Variants in FOXK2 observed in about 807,000 individuals in gnomAD.
FOXK2 encodes forkhead box K2, also known as forkhead box protein K2.
Under a neutral mutation model 53.3 loss-of-function variants are expected in FOXK2, and 24 were observed. The ratio of observed to expected loss-of-function variants is 0.45; its 90% CI spans 0.33 to 0.63. The LOEUF (loss-of-function observed/expected upper bound fraction) is 0.63. Ranked by LOEUF, FOXK2 falls within the 30% of genes least tolerant of loss-of-function variation. The probability of loss-of-function intolerance (pLI) is 0.03; values close to 1 mark genes in which losing one functional copy is unlikely to be tolerated. For synonymous variants in FOXK2, 505 were observed against 407.1 expected (o/e 1.24, Z -2.89); for missense variants, 952 against 910.5 (o/e 1.05, Z -0.59).
chr17:82,530,861 G>T (rs1161094802), intron 1 of FOXK2, among the ~76,000 whole-genome samples: 1 of 152,140 alleles, frequency 6.6e-6, no homozygotes, highest in African/African-American at 2.4e-5. Context: ...GTATTTTTCA[G>T]AATACGATAG....
intron 1 of FOXK2, among the ~76,000 whole-genome samples, chr17:82,525,254 C>G (rs1333258587): frequency 6.6e-6 from 1 of 152,122 alleles, no homozygotes; most frequent in Non-Finnish European, 1.5e-5. Context: ...ACTGCAGCCT[C>G]CGCCTCCTGG....
rs777525387 is a variant in FOXK2 at position 82,601,364 on chromosome 17, A to C, written c.1848A>C (p.Thr616=). 1.2e-6 allele frequency: 2 copies of C among 1,613,446 alleles called. No homozygotes were observed. Among genetic ancestry groups the C allele is most frequent in the Admixed American group, 1.7e-5 (1 of 60,036 alleles). The change falls in exon 9 of 9, where the codon ACA becomes ACC. Residue 616 remains threonine (T), a synonymous_variant. Transcript: ENST00000335255. Reference sequence around the variant, plus strand: ...CATCCGCATCGGCCTCCCTGCCCACAAAGCGCCACAACGGTGACCAGCCGG... The same window carrying C: ...CATCCGCATCGGCCTCCCTGCCCACCAAGCGCCACAACGGTGACCAGCCGG... ...THASASASLP[T]KRHNGDQPEQ...
intron 8 of FOXK2, among the ~76,000 whole-genome samples, chr17:82,598,150 G>A (rs1036920941): frequency 4.6e-4 from 67 of 146,206 alleles, no homozygotes; most frequent in African/African-American, 1.6e-3. Flanking sequence ...TCATCTCGCA[G>A]TGCTGCAGAA....
At chr17:82,546,961 C>T (rs1367529160) in intron 1 of FOXK2, among the ~76,000 whole-genome samples, 2 of 151,610 alleles carry the variant, frequency 1.3e-5, no homozygotes, top group Non-Finnish European at 2.9e-5. Flanking sequence ...CCTGTAGTCC[C>T]AGCTACTCTG....
chr17:82,525,602 A>G (rs547337534), intron 1 of FOXK2, among the ~76,000 whole-genome samples: 5 of 152,322 alleles, frequency 3.3e-5, no homozygotes, highest in African/African-American at 1.2e-4. Context: ...TTGCCATGGT[A>G]ACAAACTAAG....
In FOXK2 at chr17:82,601,604, C is replaced by A; in HGVS notation, c.*105C>A. 8.4e-7 allele frequency: 1 copy of A among 1,195,704 alleles called. No homozygotes were observed. Among genetic ancestry groups the A allele is most frequent in the Non-Finnish European group, 1.1e-6 (1 of 877,298 alleles). 74.1% of individuals were successfully genotyped at this position (1,195,704 alleles called of 1,614,324 possible). On this transcript the variant is annotated 3_prime_UTR_variant, in exon 9 of 9. Coordinates refer to ENST00000335255, the MANE Select transcript of FOXK2 (RefSeq NM_004514.4). ...TGCAGGGCCCTGTGGTTGGACTTCA[C>A]CTCTCAGCACTGAAAACCCAAAACC...
At chr17:82,584,410 C>T (rs764084609) in intron 6 of FOXK2, among the ~76,000 whole-genome samples, 9 of 151,904 alleles carry the variant, frequency 5.9e-5, no homozygotes, top group Non-Finnish European at 1.2e-4. Context: ...CCTGAAATAA[C>T]TTAGAATTAA....
rs749231568 is a variant in FOXK2 at position 82,601,913 on chromosome 17, T to TA, written c.*415dup. 2.2e-4 allele frequency: 36 copies of TA among 167,290 alleles called. No individual in the cohort carries two copies. Among genetic ancestry groups the TA allele is most frequent in the Non-Finnish European group, 3.7e-4 (28 of 76,666 alleles). 10.4% of individuals were successfully genotyped at this position (167,290 alleles called of 1,614,324 possible). ...ACCAGGCAGCGGAGACATGTGGAATTAGAGTATTTTGAGGTGTCCTTTCTT... is the reference window on the plus strand; with the variant it reads ...ACCAGGCAGCGGAGACATGTGGAATTAAGAGTATTTTGAGGTGTCCTTTCTT... On this transcript the variant is annotated 3_prime_UTR_variant, in exon 9 of 9. Transcript: ENST00000335255.
At position 82,603,520 on chromosome 17, in the gene FOXK2, C is replaced by T. The variant is rs2045411248; in HGVS notation, c.*2021C>T. On this transcript the variant is annotated 3_prime_UTR_variant, in exon 9 of 9. Transcript: ENST00000335255. ...CACCAAGCAAATGCATCGTATGTCCCCTTGGAGACGTTTTTATGCAGCTGT... is the reference window on the plus strand; with the variant it reads ...CACCAAGCAAATGCATCGTATGTCCTCTTGGAGACGTTTTTATGCAGCTGT... The T allele has an allele frequency of 6.6e-6, 1 of 152,152 alleles. No homozygotes were observed. The allele number at this position is 152,152 out of a possible 1,614,324, so 9.4% of individuals were successfully genotyped here.
chr17:82,549,982 C>T (rs181469021), intron 1 of FOXK2, among the ~76,000 whole-genome samples: 1 of 152,264 alleles, frequency 6.6e-6, no homozygotes, highest in Admixed American at 6.5e-5. Flanking sequence ...GTGGGTGCAT[C>T]ACTTGAGCCC....
chr17:82,601,066 G>C, intron 8 of FOXK2: 1 of 483,332 alleles, frequency 2.1e-6, no homozygotes, highest in East Asian at 3.1e-5. Flanking sequence ...ACTTGCTGCA[G>C]TTTTTTGGGG....
At chr17:82,526,422 G>A (rs996462942) in intron 1 of FOXK2, among the ~76,000 whole-genome samples, 1 of 152,152 alleles carries the variant, frequency 6.6e-6, no homozygotes, top group African/African-American at 2.4e-5. Context: ...AAGGAGTGGA[G>A]GTAGAAGGAG....
chr17:82,552,260 C>G (rs780232421), intron 1 of FOXK2, among the ~76,000 whole-genome samples: 1 of 152,188 alleles, frequency 6.6e-6, no homozygotes, highest in African/African-American at 2.4e-5. Flanking sequence ...AGAGAACTTC[C>G]GTTTTCCCAG....
At chr17:82,576,309 A>AC (rs2044985393) in intron 4 of FOXK2, among the ~76,000 whole-genome samples, 3 of 151,572 alleles carry the variant, frequency 2.0e-5, no homozygotes, top group South Asian at 4.2e-4. Context: ...TCGGGGAAGG[A>AC]CCCCCCAAGT....
At chr17:82,521,861 C>T (rs935184644) in intron 1 of FOXK2, among the ~76,000 whole-genome samples, 1 of 151,240 alleles carries the variant, frequency 6.6e-6, no homozygotes, top group Non-Finnish European at 1.5e-5. Context: ...AATGTGAACC[C>T]TGGAGGTGGA....
At chr17:82,542,322 C>T (rs2044582738) in intron 1 of FOXK2, among the ~76,000 whole-genome samples, 1 of 151,956 alleles carries the variant, frequency 6.6e-6, no homozygotes, top group African/African-American at 2.4e-5. Flanking sequence ...CTACCAGGCC[C>T]AGCTAATTCT....
chr17:82,596,732 G>A (rs934892329), intron 8 of FOXK2, among the ~76,000 whole-genome samples: 2 of 152,160 alleles, frequency 1.3e-5, no homozygotes, highest in Admixed American at 6.5e-5. Context: ...TGATTGGGAC[G>A]GTGTTGAATC....
intron 4 of FOXK2, 187 bp downstream of exon 4, chr17:82,572,057 C>A: frequency 2.0e-6 from 1 of 492,956 alleles, no homozygotes. Flanking sequence ...TTGTGTGGAG[C>A]AGAAGGAAGC....
At chr17:82,587,782 G>A (rs1027852767) in intron 8 of FOXK2, among the ~76,000 whole-genome samples, 9 of 152,166 alleles carry the variant, frequency 5.9e-5, no homozygotes, top group East Asian at 1.9e-4. Flanking sequence ...ATCTACCTTC[G>A]CCCTGCCCTG....
Sources: gnomAD v4.1 joint callset for allele counts (sites outside exome capture counted in the v4.1 genomes callset) on GRCh38, gnomAD v4.1.1 for gene constraint, MANE v1.5 for transcripts, NCBI Gene and HGNC (gene_info 2026-07-23, HGNC 2026-07-21) for gene names.